CD8B2: variants seen among roughly 807,000 people sequenced by gnomAD.
CD8B2 encodes the protein T-cell surface glycoprotein CD8 beta-2 chain.
A neutral mutation model predicts 23.7 loss-of-function variants in CD8B2; 11 were observed. The observed-to-expected ratio is 0.46, with a 90% CI of 0.29 to 0.77. CD8B2 has a LOEUF of 0.77. Among genes scored for constraint, CD8B2 ranks in the 30% least tolerant of loss-of-function variants. The pLI is 0.09. For missense variants in CD8B2, 197 were observed against 270.5 expected, an observed-to-expected ratio of 0.73 and a Z score of 1.91; for synonymous variants, 90 against 109.3, an observed-to-expected ratio of 0.82 and a Z score of 1.10.
intron 5 of CD8B2, among the ~76,000 whole-genome samples, chr2:106,539,300 T>C (rs1422489746): frequency 6.6e-6 from 1 of 152,352 alleles, no homozygotes; most frequent in Non-Finnish European, 1.5e-5. Context: ...GCAAGCTCCT[T>C]ATAAATTTGT....
At position 106,509,326 on chromosome 2, in the gene CD8B2, C is replaced by T. The variant is rs1340313906; in HGVS notation, c.*2386C>T. ...GGTGAAAGAATTGGGGTCAGCTGGA[C>T]CAGACTCCTCTAGGGTTCGTGTTTC... On this transcript the variant is annotated 3_prime_UTR_variant, in exon 6 of 6. Transcript: ENST00000643224. The T allele has an allele frequency of 6.6e-6, 1 of 152,056 alleles. No homozygotes were observed. The highest frequency in any genetic ancestry group is 1.5e-5 in the Non-Finnish European group (1 of 68,010). The allele number at this position is 152,056 out of a possible 1,614,324, so 9.4% of individuals were successfully genotyped here.
intron 5 of CD8B2, among the ~76,000 whole-genome samples, chr2:106,524,427 G>T (rs1407605210): frequency 1.3e-5 from 2 of 152,182 alleles, no homozygotes; most frequent in Non-Finnish European, 2.9e-5. Flanking sequence ...CTGTTGAAGG[G>T]TGTTCAGCTG....
chr2:106,517,493 C>T (rs1214612901), intron 5 of CD8B2, among the ~76,000 whole-genome samples: 2 of 152,076 alleles, frequency 1.3e-5, no homozygotes. Flanking sequence ...CTCACTGTCT[C>T]AGGTCACCAG....
At chr2:106,513,877 T>C (rs1222368223), downstream of CD8B2, among the ~76,000 whole-genome samples, 38 of 152,116 alleles carry the variant, frequency 2.5e-4, no homozygotes, top group African/African-American at 7.2e-4. Context: ...CGCCTCTATC[T>C]GAGTACCTAC....
chr2:106,523,783 A>G (rs1679864318), intron 5 of CD8B2, among the ~76,000 whole-genome samples: 2 of 152,190 alleles, frequency 1.3e-5, no homozygotes, highest in South Asian at 4.1e-4. Flanking sequence ...TGGGGTATTT[A>G]TATAGCACAG....
rs1259976274 is a variant in CD8B2 at position 106,508,851 on chromosome 2, G to A, written c.*1911G>A. 1 of 152,292 alleles carries A rather than the reference G, an allele frequency of 6.6e-6. No homozygotes were observed. The highest frequency in any genetic ancestry group is 1.5e-5 in the Non-Finnish European group (1 of 68,112). The allele number at this position is 152,292 out of a possible 1,614,324, so 9.4% of individuals were successfully genotyped here. ...GCAGTGGAAGGGGGAGGGTTGTAGG[G>A]AGAGTAGCCTTTGATCCTTGGTTAC... On this transcript the variant is annotated 3_prime_UTR_variant, in exon 6 of 6. Coordinates refer to ENST00000643224, the MANE Select transcript of CD8B2 (RefSeq NM_001349727.2).
Position 106,510,424 on chromosome 2 carries a change from T to C in CD8B2, c.*3484T>C, listed in dbSNP as rs1037605291. ...ACATTGTAGAACCGTGTAAAATTGG[T>C]ATTTGGAAGTTTCTTCAGCAAGCAC... On this transcript the variant is annotated 3_prime_UTR_variant, in exon 6 of 6. Coordinates refer to ENST00000643224, the MANE Select transcript of CD8B2 (RefSeq NM_001349727.2). 1.4e-4 allele frequency: 22 copies of C among 152,230 alleles called. No individual in the cohort carries two copies. Among genetic ancestry groups the C allele is most frequent in the African/African-American group, 5.3e-4 (22 of 41,530 alleles). 9.4% of individuals were successfully genotyped at this position (152,230 alleles called of 1,614,324 possible).
chr2:106,517,781 C>T (rs1444772104), intron 5 of CD8B2, among the ~76,000 whole-genome samples: 2 of 151,920 alleles, frequency 1.3e-5, no homozygotes, highest in African/African-American at 2.4e-5. Context: ...GGCGCGATCT[C>T]GGCTCACTGC....
chr2:106,526,862 G>A (rs1210005015), intron 5 of CD8B2, among the ~76,000 whole-genome samples: 4 of 152,078 alleles, frequency 2.6e-5, no homozygotes, highest in African/African-American at 9.7e-5. Context: ...GGCTGGTCTC[G>A]AACTCCTGAC....
Position 106,491,113 on chromosome 2 carries a change from G to A in CD8B2, c.283G>A (p.Asp95Asn). The change falls in exon 2 of 6, where the codon GAT (aspartate) becomes AAT (asparagine). Residue 95 changes from aspartate to asparagine, a missense_variant. This residue lies in a region of CD8B2 where 140 missense variants were observed against 164.2 expected (regional missense o/e 0.85). Coordinates refer to ENST00000643224, the MANE Select transcript of CD8B2 (RefSeq NM_001349727.2). The part of the protein sequence containing the change: ...VEQEKIAVFR[D>N]ASRFILNLTS... ...ACAGGAGAAGATAGCTGTGTTTCGG[G>A]ATGCAAGCCGGTTCATTCTCAATCT... 6.2e-7 allele frequency: 1 copy of A among 1,613,884 alleles called. No homozygotes were observed. The highest frequency in any genetic ancestry group is 8.5e-7 in the Non-Finnish European group (1 of 1,179,756).
intron 5 of CD8B2, among the ~76,000 whole-genome samples, chr2:106,537,379 C>T (rs1204626236): frequency 1.3e-5 from 2 of 152,058 alleles, no homozygotes; most frequent in Non-Finnish European, 2.9e-5. Flanking sequence ...TTTACATTTC[C>T]TTGTATGACC....
At chr2:106,544,144 G>T in exon 6 of CD8B2, 1 of 398,492 alleles carries the variant, frequency 2.5e-6, no homozygotes. Flanking sequence ...GGTTGAACAG[G>T]TGCTCAGACT....
intron 1 of CD8B2, among the ~76,000 whole-genome samples, chr2:106,490,635 C>T (rs1197348716): frequency 4.6e-5 from 7 of 152,258 alleles, no homozygotes; most frequent in Non-Finnish European, 8.8e-5. Flanking sequence ...AGCTCTCTCC[C>T]CTGTACCTTT....
At chr2:106,493,945 C>A (rs535550340) in intron 2 of CD8B2, among the ~76,000 whole-genome samples, 2 of 152,330 alleles carry the variant, frequency 1.3e-5, no homozygotes, top group African/African-American at 2.4e-5. Flanking sequence ...CTGCTCCCCA[C>A]ACATGGCTGG....
At chr2:106,506,795 T>C in intron 5 of CD8B2, 133 bp from the exon 6 acceptor site, 1 of 1,227,468 alleles carries the variant, frequency 8.1e-7, no homozygotes, top group East Asian at 2.6e-5. Context: ...AGAAACATAC[T>C]AACAAAAAAC....
intron 5 of CD8B2, among the ~76,000 whole-genome samples, chr2:106,506,100 G>A (rs77594285): frequency 6.6e-5 from 10 of 151,594 alleles, no homozygotes; most frequent in Non-Finnish European, 1.3e-4. Context: ...ACACCATTCC[G>A]CTGCAGCCTG....
rs1328205934 is a variant in CD8B2 at position 106,490,989 on chromosome 2, C to T, written c.159C>T (p.Tyr53=). The T allele has an allele frequency of 1.4e-5, 23 of 1,613,922 alleles. No individual in the cohort carries two copies. The highest frequency in any genetic ancestry group is 1.8e-5 in the Non-Finnish European group (21 of 1,179,886). ...AKISLSNMCI[Y]WLRQRQAPSS... ...TCTCCCTCAGTAACATGTGCATCTA[C>T]TGGCTGAGACAGCGCCAGGCCCCGA... The change falls in exon 2 of 6, where the codon TAC becomes TAT. Residue 53 remains tyrosine (Y), a synonymous_variant. Transcript: ENST00000643224.
At chr2:106,524,737 GA>G (rs1679884049) in intron 5 of CD8B2, among the ~76,000 whole-genome samples, 1 of 152,180 alleles carries the variant, frequency 6.6e-6, no homozygotes, top group Non-Finnish European at 1.5e-5. Context: ...GCTCTGAGTG[GA>G]ATTTCCGGCT....
intron 1 of CD8B2, among the ~76,000 whole-genome samples, chr2:106,490,370 T>C (rs1679169797): frequency 6.6e-6 from 1 of 152,094 alleles, no homozygotes; most frequent in Non-Finnish European, 1.5e-5. Flanking sequence ...GGATTAAAAA[T>C]CCTGGATCTA....
Sources: allele counts gnomAD v4.1 joint callset (sites outside exome capture counted in the v4.1 genomes callset), GRCh38; gene constraint gnomAD v4.1.1; regional missense constraint gnomAD v4.1.1; transcripts MANE v1.5; gene names NCBI Gene and HGNC (gene_info 2026-07-23, HGNC 2026-07-21).